CPQ: variants seen among roughly 807,000 people sequenced by gnomAD.
CPQ encodes the protein Ser-Met dipeptidase.
Under a neutral mutation model 45.7 loss-of-function variants are expected in CPQ, and 37 were observed. The ratio of observed to expected loss-of-function variants is 0.81; its 90% confidence interval spans 0.62 to 1.07. CPQ has a LOEUF of 1.07. Ranked by LOEUF, CPQ falls within the 50% of genes least tolerant of loss-of-function variation. The probability of loss-of-function intolerance (pLI) is 0.00; values close to 1 mark genes in which losing one functional copy is unlikely to be tolerated. For synonymous variants in CPQ, 186 were observed against 205.8 expected (o/e 0.90, Z 0.82); for missense variants, 537 against 572.9 (o/e 0.94, Z 0.64).
intron 3 of CPQ, among the ~76,000 whole-genome samples, chr8:96,868,314 T>TG (rs911627502): frequency 2.0e-5 from 3 of 152,086 alleles, no homozygotes; most frequent in African/African-American, 7.2e-5. Flanking sequence ...GTATCTAGAT[T>TG]GGGAATCTGA....
At chr8:96,667,492 G>A (rs960964786) in intron 1 of CPQ, among the ~76,000 whole-genome samples, 2 of 151,920 alleles carry the variant, frequency 1.3e-5, no homozygotes, top group South Asian at 2.1e-4. Context: ...GGGATTACAG[G>A]TGTGTGCCAC....
chr8:96,980,103 A>G (rs1563545209), intron 5 of CPQ, among the ~76,000 whole-genome samples: 1 of 152,054 alleles, frequency 6.6e-6, no homozygotes, highest in East Asian at 1.9e-4. Context: ...TAGTAGTTGT[A>G]TTTTCCTGGA....
At chr8:96,816,748 A>G (rs995697363) in intron 2 of CPQ, among the ~76,000 whole-genome samples, 58 of 152,208 alleles carry the variant, frequency 3.8e-4, no homozygotes, top group Non-Finnish European at 6.3e-4. Flanking sequence ...TTTCTTGTAT[A>G]TCTTCATCAG....
intron 5 of CPQ, among the ~76,000 whole-genome samples, chr8:97,020,900 C>A (rs1809667917): frequency 6.6e-6 from 1 of 152,010 alleles, no homozygotes; most frequent in Non-Finnish European, 1.5e-5. Context: ...AATACCAAAA[C>A]CAGGAAAGGA....
chr8:96,730,396 G>A (rs1271449877), intron 1 of CPQ, among the ~76,000 whole-genome samples: 2 of 152,128 alleles, frequency 1.3e-5, no homozygotes, highest in Non-Finnish European at 2.9e-5. Flanking sequence ...TCTCTCTTGG[G>A]AGTAGAGAGA....
intron 4 of CPQ, among the ~76,000 whole-genome samples, chr8:96,888,833 T>C (rs1441368062): frequency 1.3e-5 from 2 of 152,190 alleles, no homozygotes; most frequent in African/African-American, 2.4e-5. Context: ...GTTTTAGTGT[T>C]TTTTATTATA....
intron 1 of CPQ, among the ~76,000 whole-genome samples, chr8:96,657,128 C>T (rs202114912): frequency 6.6e-6 from 1 of 151,900 alleles, no homozygotes; most frequent in African/African-American, 2.4e-5. Context: ...GGGTGGATCA[C>T]GAGGTCAGGA....
At chr8:96,671,167 T>C (rs1451196521) in intron 1 of CPQ, among the ~76,000 whole-genome samples, 1 of 152,244 alleles carries the variant, frequency 6.6e-6, no homozygotes, top group African/African-American at 2.4e-5. Context: ...CCTTTCCTTG[T>C]ACTTGATAAC....
At chr8:97,064,924 C>T (rs1347078455) in intron 6 of CPQ, among the ~76,000 whole-genome samples, 1 of 152,258 alleles carries the variant, frequency 6.6e-6, no homozygotes, top group Admixed American at 6.5e-5. Context: ...ATCGCTTGAC[C>T]TCCCTGATTG....
chr8:96,965,187 TTAAA>T (rs1436174176), intron 4 of CPQ, among the ~76,000 whole-genome samples: 2 of 152,140 alleles, frequency 1.3e-5, no homozygotes, highest in Admixed American at 1.3e-4. Flanking sequence ...AAACAATTTT[TTAAA>T]TAAATTATTG....
chr8:97,114,781 C>T (rs1811555479), intron 7 of CPQ, among the ~76,000 whole-genome samples: 1 of 152,298 alleles, frequency 6.6e-6, no homozygotes, highest in South Asian at 2.1e-4. Flanking sequence ...TCTGTGCAGG[C>T]ATTTTCCTTT....
intron 6 of CPQ, among the ~76,000 whole-genome samples, chr8:97,057,492 T>C (rs1042533872): frequency 6.6e-6 from 1 of 152,192 alleles, no homozygotes; most frequent in African/African-American, 2.4e-5. Flanking sequence ...TCCTAGATAA[T>C]GAGAGCTCAG....
At chr8:96,805,978 T>A (rs1354113687) in intron 2 of CPQ, among the ~76,000 whole-genome samples, 8 of 152,114 alleles carry the variant, frequency 5.3e-5, no homozygotes, top group Admixed American at 5.2e-4. Context: ...CTTCTGGCAA[T>A]GGATCAGCCA....
intron 2 of CPQ, among the ~76,000 whole-genome samples, chr8:96,792,649 A>G (rs1810864466): frequency 6.6e-6 from 1 of 152,140 alleles, no homozygotes; most frequent in South Asian, 2.1e-4. Flanking sequence ...CTATATTCTC[A>G]ACATCTAGCA....
chr8:96,819,544 G>A (rs1811274267), intron 2 of CPQ, among the ~76,000 whole-genome samples: 2 of 152,084 alleles, frequency 1.3e-5, no homozygotes, highest in South Asian at 4.1e-4. Flanking sequence ...TGTTTGATGA[G>A]CAGAATGAGC....
chr8:96,858,253 G>T lies in CPQ; in HGVS notation c.642-21545G>T, dbSNP rs115948221. ...TCCAGGCCTTACTAGAGATCCTTCT[G>T]CACACTGTCCCCCAGCTCCTCACTT... On this transcript the variant is annotated intron_variant, in intron 3 of 7. Coordinates refer to ENST00000220763, the MANE Select transcript of CPQ (RefSeq NM_016134.4). Among the ~76,000 whole-genome samples, 520 of 152,242 alleles carry T rather than the reference G, an allele frequency of 3.4e-3. 6 individuals carry two copies. Among genetic ancestry groups the T allele is most frequent in the African/African-American group, 0.012 (498 of 41,536 alleles).
chr8:96,706,903 G>A (rs1809536799), intron 1 of CPQ, among the ~76,000 whole-genome samples: 1 of 152,130 alleles, frequency 6.6e-6, no homozygotes, highest in African/African-American at 2.4e-5. Context: ...AAAGGTAGGA[G>A]TAAGCTGAAG....
chr8:96,842,692 G>T (rs1246320444), intron 3 of CPQ, among the ~76,000 whole-genome samples: 1 of 152,006 alleles, frequency 6.6e-6, no homozygotes, highest in East Asian at 1.9e-4. Flanking sequence ...TCTTATTATT[G>T]TATCAGGTAG....
At chr8:97,031,349 G>A (rs1307050739) in intron 6 of CPQ, among the ~76,000 whole-genome samples, 1 of 151,906 alleles carries the variant, frequency 6.6e-6, no homozygotes, top group Non-Finnish European at 1.5e-5. Context: ...ACCACGCCCA[G>A]CTAATTTTTT....
Sources: allele counts gnomAD v4.1 joint callset (sites outside exome capture counted in the v4.1 genomes callset), GRCh38; gene constraint gnomAD v4.1.1; transcripts MANE v1.5; gene names NCBI Gene and HGNC (gene_info 2026-07-23, HGNC 2026-07-21).